Variants in DPH5 observed in about 807,000 individuals in gnomAD.
DPH5 encodes diphthamide biosynthesis 5.
In DPH5, 31 loss-of-function variants were observed where a neutral mutation model predicts 31.6. That is an observed-to-expected ratio of 0.98 (90% CI 0.74 to 1.32). The LOEUF (loss-of-function observed/expected upper bound fraction) is 1.32. Among genes scored for constraint, DPH5 ranks in the 40% most tolerant of loss-of-function variants. DPH5 has a pLI of 0.00. For synonymous variants in DPH5, 120 were observed against 115.0 expected (o/e 1.04, Z -0.28); for missense variants, 309 against 335.7 (o/e 0.92, Z 0.62).
chr1:101,015,955 T>C (rs924188016), intron 3 of DPH5, among the ~76,000 whole-genome samples: 21 of 152,216 alleles, frequency 1.4e-4, no homozygotes, highest in Admixed American at 2.6e-4. Flanking sequence ...TGTGGCAGGT[T>C]TGATCTTCTA....
In DPH5 at chr1:101,025,770, C is replaced by T. The variant is rs1660783086; in HGVS notation, c.-111G>A. 3.4e-6 allele frequency: 1 copy of T among 290,794 alleles called. No homozygotes were observed. The highest frequency in any genetic ancestry group is 3.9e-5 in the South Asian group (1 of 25,888). The allele number at this position is 290,794 out of a possible 1,614,324, so 18.0% of individuals were successfully genotyped here. The stretch of plus-strand genomic sequence containing the variant: ...AGAAGCAACTGCAAAAGCGCCGGCT[C>T]CGTGCAGAGAAAAGGCCCACGCCGC... On this transcript the variant is annotated 5_prime_UTR_variant, in exon 1 of 8. Transcript: ENST00000370109.
intron 2 of DPH5, 68 bp downstream of exon 2, chr1:101,025,241 C>T: frequency 1.3e-6 from 2 of 1,589,346 alleles, no homozygotes. Context: ...TTCTGTTCAG[C>T]TTAGTGTATG....
intron 4 of DPH5, among the ~76,000 whole-genome samples, chr1:101,003,367 G>A (rs1659007492): frequency 6.6e-6 from 1 of 152,180 alleles, no homozygotes; most frequent in South Asian, 2.1e-4. Context: ...CATCTACTAT[G>A]TACCAGGTAT....
intron 4 of DPH5, among the ~76,000 whole-genome samples, chr1:101,010,537 G>T (rs1287694119): frequency 6.6e-6 from 1 of 152,176 alleles, no homozygotes. Context: ...AAAAACAACA[G>T]AATAGTTCAA....
intron 6 of DPH5, among the ~76,000 whole-genome samples, chr1:100,993,654 AT>A (rs1206320968): frequency 5.5e-5 from 8 of 144,832 alleles, no homozygotes; most frequent in African/African-American, 2.0e-4. Flanking sequence ...TCTCAAAAAA[AT>A]TCTGTCAGTG....
chr1:101,019,154 G>A (rs777568173), intron 3 of DPH5, among the ~76,000 whole-genome samples: 1 of 152,148 alleles, frequency 6.6e-6, no homozygotes, highest in Non-Finnish European at 1.5e-5. Flanking sequence ...CAGAGATTTA[G>A]GGATAGAATG....
intron 3 of DPH5, among the ~76,000 whole-genome samples, chr1:101,018,618 G>A (rs1660248646): frequency 6.6e-6 from 1 of 152,168 alleles, no homozygotes; most frequent in African/African-American, 2.4e-5. Flanking sequence ...AGTAATGTTT[G>A]CAATGATATA....
At chr1:101,025,223 C>G in intron 2 of DPH5, 86 bp downstream of exon 2, 1 of 1,525,954 alleles carries the variant, frequency 6.6e-7, no homozygotes, top group Non-Finnish European at 8.8e-7. Context: ...AACAAGCAGA[C>G]CTGAAAATTC....
At chr1:100,998,507 TAAAA>T (rs5776553) in intron 5 of DPH5, among the ~76,000 whole-genome samples, 5 of 137,440 alleles carry the variant, frequency 3.6e-5, no homozygotes, top group Non-Finnish European at 4.7e-5. Context: ...AACCTTATCT[TAAAA>T]AAAAAAAAAA....
intron 6 of DPH5, among the ~76,000 whole-genome samples, chr1:100,993,495 C>T (rs1657977438): frequency 2.1e-5 from 3 of 143,192 alleles, no homozygotes; most frequent in African/African-American, 5.2e-5. Context: ...GAGGTTGCAG[C>T]GAGCTGAGAT....
intron 3 of DPH5, among the ~76,000 whole-genome samples, chr1:101,018,373 G>C (rs1312229135): frequency 6.6e-6 from 1 of 151,952 alleles, no homozygotes; most frequent in Non-Finnish European, 1.5e-5. Flanking sequence ...GAGTAGCTGG[G>C]ATTACAGGTG....
chr1:101,024,550 A>AT (rs1280542633), intron 2 of DPH5, among the ~76,000 whole-genome samples: 1 of 152,142 alleles, frequency 6.6e-6, no homozygotes, highest in African/African-American at 2.4e-5. Flanking sequence ...TTTTAAGTCT[A>AT]TTTTTTGTTT....
At chr1:101,000,297 T>C (rs1658757931) in intron 5 of DPH5, among the ~76,000 whole-genome samples, 1 of 152,234 alleles carries the variant, frequency 6.6e-6, no homozygotes, top group Non-Finnish European at 1.5e-5. Flanking sequence ...ACAGTTTCAG[T>C]AACACAGTAC....
chr1:100,995,352 C>T (rs1391199127), intron 5 of DPH5: 1 of 451,514 alleles, frequency 2.2e-6, no homozygotes, highest in Non-Finnish European at 4.1e-6. Context: ...GAACTTGGCC[C>T]TGAGACCATC....
intron 6 of DPH5, among the ~76,000 whole-genome samples, chr1:100,993,603 T>TATATATAGA (rs1475519347): frequency 7.6e-6 from 1 of 132,130 alleles, no homozygotes; most frequent in Non-Finnish European, 1.6e-5. Context: ...TATATAGCTA[T>TATATATAGA]TGTGGCTTAC....
intron 4 of DPH5, among the ~76,000 whole-genome samples, chr1:101,007,790 T>G (rs1425536259): frequency 6.6e-6 from 1 of 151,830 alleles, no homozygotes; most frequent in Non-Finnish European, 1.5e-5. Flanking sequence ...TTTATTCTCC[T>G]ATCTTCTGTG....
chr1:101,010,578 C>G (rs540803518), intron 4 of DPH5, among the ~76,000 whole-genome samples: 45 of 152,228 alleles, frequency 3.0e-4, no homozygotes, highest in African/African-American at 1.0e-3. Flanking sequence ...GCTGAAAAGT[C>G]TGTCTATTTC....
At chr1:101,021,528 C>G (rs1660441474) in intron 3 of DPH5, 113 bp downstream of exon 3, 2 of 1,049,730 alleles carry the variant, frequency 1.9e-6, no homozygotes, top group Non-Finnish European at 2.7e-6. Context: ...CTTAAGTAAC[C>G]AGAGTTCCTT....
intron 4 of DPH5, among the ~76,000 whole-genome samples, chr1:101,006,434 GA>G (rs913653993): frequency 1.3e-5 from 2 of 151,682 alleles, no homozygotes; most frequent in South Asian, 2.1e-4. Context: ...CAGAAAGGAA[GA>G]AAAAAAATTA....
Sources: allele counts gnomAD v4.1 joint callset (sites outside exome capture counted in the v4.1 genomes callset), GRCh38; gene constraint gnomAD v4.1.1; transcripts MANE v1.5; gene names NCBI Gene and HGNC (gene_info 2026-07-23, HGNC 2026-07-21).